ARAP2: variants seen among roughly 807,000 people sequenced by gnomAD.
The protein encoded by ARAP2 is ArfGAP with RhoGAP domain, ankyrin repeat and PH domain 2.
Under a neutral mutation model 194.5 loss-of-function variants are expected in ARAP2, and 148 were observed. That is an observed-to-expected ratio of 0.76 (90% CI 0.67 to 0.87). The LOEUF (loss-of-function observed/expected upper bound fraction) is 0.87, where lower values mean the gene tolerates loss of function less well. ARAP2 is among the 40% of genes least tolerant of loss of function. The probability of loss-of-function intolerance (pLI) is 0.00; values close to 1 mark genes in which losing one functional copy is unlikely to be tolerated. For synonymous variants in ARAP2, 695 were observed against 683.5 expected (o/e 1.02, Z -0.26); for missense variants, 2,128 against 1,989.7 (o/e 1.07, Z -1.32).
intron 6 of ARAP2, among the ~76,000 whole-genome samples, chr4:36,204,114 T>C (rs1745028869): frequency 1.3e-5 from 2 of 152,168 alleles, no homozygotes; most frequent in African/African-American, 4.8e-5. Flanking sequence ...AAGCTGGATT[T>C]TTATCAGTGT....
Position 36,114,290 on chromosome 4 carries a change from G to GT in ARAP2, c.4039-4dup, listed in dbSNP as rs1720782563. 2 of 1,533,270 alleles carry GT rather than the reference G, an allele frequency of 1.3e-6. No individual in the cohort carries two copies. Among genetic ancestry groups the GT allele is most frequent in the Non-Finnish European group, 8.9e-7 (1 of 1,119,488 alleles). 95.0% of individuals were successfully genotyped at this position (1,533,270 alleles called of 1,614,324 possible). A position where few individuals can be genotyped will look rare whatever the true frequency, so the allele number is the denominator to read the frequency against. ...TCTGCTTCCATCACAGGAGATATCT[G>GT]TAAGAGAAGTAATATTTTTTCAAAA... On this transcript the variant is annotated splice_polypyrimidine_tract_variant and splice_region_variant and intron_variant, in intron 25 of 32. Coordinates refer to ENST00000303965, the MANE Select transcript of ARAP2 (RefSeq NM_015230.4).
At chr4:36,151,174 G>A in intron 15 of ARAP2, 130 bp from the exon 16 acceptor site, 7 of 833,222 alleles carry the variant, frequency 8.4e-6, no homozygotes, top group Non-Finnish European at 1.3e-5. Context: ...TTCACATAAA[G>A]TATATGTTAT....
intron 6 of ARAP2, among the ~76,000 whole-genome samples, chr4:36,202,195 T>C (rs1278169132): frequency 6.6e-6 from 1 of 152,194 alleles, no homozygotes; most frequent in Non-Finnish European, 1.5e-5. Context: ...ATCTAATTAC[T>C]CATTTTTATT....
intron 6 of ARAP2, among the ~76,000 whole-genome samples, chr4:36,206,075 C>T (rs534332605): frequency 4.6e-5 from 7 of 152,308 alleles, no homozygotes; most frequent in East Asian, 3.9e-4. Flanking sequence ...CTGCCTTCAC[C>T]GCAGCCCCAA....
At chr4:36,021,084 G>A (rs1183455730) in intron 5 of ARAP2, among the ~76,000 whole-genome samples, 1 of 152,268 alleles carries the variant, frequency 6.6e-6, no homozygotes, top group East Asian at 1.9e-4. Flanking sequence ...GGAAATGATA[G>A]GTTAGAGGTA....
intron 19 of ARAP2, among the ~76,000 whole-genome samples, chr4:36,141,455 T>C (rs747780299): frequency 3.8e-4 from 58 of 151,696 alleles, no homozygotes; most frequent in Non-Finnish European, 4.4e-4. Flanking sequence ...GCTGTGTGTG[T>C]GGAAAATATT....
rs150304991 is a variant in ARAP2 at position 36,159,412 on chromosome 4, C to G, written c.2536G>C (p.Val846Leu). Residue 846 changes from valine (V) to leucine (L), a missense_variant, in exon 14 of 33, where the codon GTG (valine) becomes CTG (leucine). By Grantham distance (32) the Val-to-Leu change is conservative (BLOSUM62 1). Coordinates refer to ENST00000303965, the MANE Select transcript of ARAP2 (RefSeq NM_015230.4). The part of the protein sequence containing the change: ...ADVMCATGDP[V>L]HSTPYLLAKK... The stretch of plus-strand genomic sequence containing the variant: ...GCTAGCAGATAGGGGGTGCTATGCA[C>G]GGGGTCTCCGGTGGCACACATGACA... 3 of 1,611,792 alleles carry G rather than the reference C, an allele frequency of 1.9e-6. No homozygotes were observed. Among genetic ancestry groups the G allele is most frequent in the South Asian group, 2.2e-5 (2 of 90,856 alleles).
At chr4:36,024,165 C>T (rs1560281273) in intron 5 of ARAP2, among the ~76,000 whole-genome samples, 1 of 152,088 alleles carries the variant, frequency 6.6e-6, no homozygotes, top group African/African-American at 2.4e-5. Flanking sequence ...AAATCAGTCT[C>T]ATTATCTCTA....
At chr4:36,104,911 T>A (rs1717972020) in intron 27 of ARAP2, among the ~76,000 whole-genome samples, 1 of 151,994 alleles carries the variant, frequency 6.6e-6, no homozygotes, top group Admixed American at 6.6e-5. Context: ...CATGCAAAGT[T>A]CCTGGTACAA....
At position 36,165,067 on chromosome 4, in the gene ARAP2, C is replaced by T. The variant is rs1211945896; in HGVS notation, c.2020G>A (p.Val674Met). The change falls in exon 11 of 33, where the codon GTG becomes ATG. Residue 674 changes from valine (V) to methionine (M), a missense_variant. Val to Met is a conservative substitution (Grantham distance 21). Coordinates refer to ENST00000303965, the MANE Select transcript of ARAP2 (RefSeq NM_015230.4). ...EKEKQDWIEA[V>M]QQSIAETLSD... is the part of the protein sequence containing the mutation. ...AGAGTTTCTGCTATTGATTGCTGCA[C>T]AGCTTCAATCCAGTCTTGTTTCTCC... The T allele has an allele frequency of 2.5e-6, 4 of 1,613,964 alleles. No individual in the cohort carries two copies. The highest frequency in any genetic ancestry group is 3.4e-6 in the Non-Finnish European group (4 of 1,179,948).
At chr4:36,152,781 A>G (rs889096179) in intron 15 of ARAP2, among the ~76,000 whole-genome samples, 1 of 152,238 alleles carries the variant, frequency 6.6e-6, no homozygotes, top group African/African-American at 2.4e-5. Flanking sequence ...TCCTTCCATA[A>G]TATCAGGAAA....
intron 2 of ARAP2, among the ~76,000 whole-genome samples, chr4:36,222,270 AC>A (rs1749335342): frequency 6.6e-6 from 1 of 152,116 alleles, no homozygotes; most frequent in Admixed American, 6.6e-5. Context: ...GCAGTGGCCT[AC>A]ATAATATAAA....
chr4:36,233,953 T>A (rs1240569729), intron 1 of ARAP2, among the ~76,000 whole-genome samples: 2 of 152,256 alleles, frequency 1.3e-5, no homozygotes, highest in African/African-American at 2.4e-5. Context: ...CCGTTCAGAC[T>A]GATTTAACAA....
At chr4:36,228,478 G>A (rs1283977751) in intron 2 of ARAP2, 104 bp downstream of exon 2, 4 of 1,238,776 alleles carry the variant, frequency 3.2e-6, no homozygotes, top group Non-Finnish European at 4.4e-6. Flanking sequence ...ATAGGTAAAT[G>A]AATACAGTCA....
At position 36,014,300 on chromosome 4, in the gene ARAP2, G is replaced by GAAAGAAAGAA. The variant is rs1560264638; in HGVS notation, n.1056+1085_1056+1086insTTCTTTCTTT. 9.3e-4 allele frequency among the ~76,000 whole-genome samples: 69 copies of GAAAGAAAGAA among 74,522 alleles called. 1 individual carries two copies. Among genetic ancestry groups the GAAAGAAAGAA allele is most frequent in the South Asian group, 1.2e-3 (3 of 2,526 alleles). The allele number at this position is 74,522 out of a possible 152,430, so 48.9% of individuals were successfully genotyped here. ...AAGAAAGAAAGAAAGAAAGAAAGAAGAGAAGGAAGGAAAGAAAGAAAGAGA... is the reference window on the plus strand; with the variant it reads ...AAGAAAGAAAGAAAGAAAGAAAGAAGAAAGAAAGAAAGAAGGAAGGAAAGAAAGAAAGAGA... On this transcript the variant is annotated intron_variant and non_coding_transcript_variant, in intron 8 of 12. Transcript: ENST00000503225.
intron 6 of ARAP2, among the ~76,000 whole-genome samples, chr4:36,203,606 C>A (rs1284926856): frequency 4.0e-5 from 6 of 150,152 alleles, no homozygotes; most frequent in Admixed American, 6.6e-5. Flanking sequence ...CAAAACAAAA[C>A]AAAAAAAACT....
In ARAP2 at chr4:36,229,419, T is replaced by C; in HGVS notation, c.68A>G (p.Tyr23Cys). The change falls in exon 2 of 33, where the codon TAT (tyrosine) becomes TGT (cysteine). Residue 23 changes from tyrosine (Y) to cysteine (C), a missense_variant. Tyr to Cys is a radical substitution (Grantham distance 194). Coordinates refer to ENST00000303965, the MANE Select transcript of ARAP2 (RefSeq NM_015230.4). ...ACCAGACTCATGGAAATGTAAGAGA[T>C]ACTGCTCCAAATTAATGCTCATTAG... ...DFLMSINLEQ[Y>C]LLHFHESGFT... 1 of 1,613,938 alleles carries C rather than the reference T, an allele frequency of 6.2e-7. No individual in the cohort carries two copies. Among genetic ancestry groups the C allele is most frequent in the Non-Finnish European group, 8.5e-7 (1 of 1,179,874 alleles).
chr4:36,063,318 G>A (rs1001828742), downstream of ARAP2, among the ~76,000 whole-genome samples: 16 of 152,078 alleles, frequency 1.1e-4, no homozygotes, highest in Admixed American at 1.0e-3. Flanking sequence ...GGAGGTGGGG[G>A]GTTGGGGGAG....
At chr4:36,018,477 G>A (rs765219845) in intron 6 of ARAP2, among the ~76,000 whole-genome samples, 7 of 147,156 alleles carry the variant, frequency 4.8e-5, no homozygotes, top group Non-Finnish European at 7.5e-5. Flanking sequence ...CAGCTGAAAT[G>A]TAAAATGTAT....
Sources: gnomAD v4.1 joint callset for allele counts (sites outside exome capture counted in the v4.1 genomes callset) on GRCh38, gnomAD v4.1.1 for gene constraint, MANE v1.5 for transcripts, NCBI Gene and HGNC (gene_info 2026-07-23, HGNC 2026-07-21) for gene names.